SYCE1: variants seen among roughly 807,000 people sequenced by gnomAD.
The protein encoded by SYCE1 is cancer/testis antigen 76.
SYCE1 carries 37 observed loss-of-function variants against 55.1 expected under a neutral mutation model. That is an observed-to-expected ratio of 0.67 (90% CI 0.52 to 0.88). The LOEUF (loss-of-function observed/expected upper bound fraction) is 0.88. Ranked by LOEUF, SYCE1 falls within the 40% of genes least tolerant of loss-of-function variation. SYCE1 has a pLI of 0.00. For missense variants in SYCE1, 399 were observed against 416.4 expected (o/e 0.96, Z 0.36); for synonymous variants, 163 against 159.4 (o/e 1.02, Z -0.17).
intron 11 of SYCE1, 33 bp from the exon 12 acceptor site, chr10:133,555,471 G>A (rs757551417): frequency 1.9e-6 from 3 of 1,613,220 alleles, no homozygotes; most frequent in Non-Finnish European, 2.5e-6. Context: ...GGGGAAGGAA[G>A]AGGAGGAAAG....
At chr10:133,558,800 G>T in intron 4 of SYCE1, 77 bp downstream of exon 4, 1 of 1,444,376 alleles carries the variant, frequency 6.9e-7, no homozygotes, top group Non-Finnish European at 9.6e-7. Flanking sequence ...TGGCAAGGAT[G>T]CTGATTATCT....
chr10:133,555,345 G>C lies in SYCE1; in HGVS notation c.918+6C>G. 6.2e-7 allele frequency: 1 copy of C among 1,613,840 alleles called. No homozygotes were observed. The highest frequency in any genetic ancestry group is 8.5e-7 in the Non-Finnish European group (1 of 1,179,880). On this transcript the variant is annotated splice_donor_region_variant and intron_variant, in intron 12 of 12. Transcript: ENST00000343131. Reference sequence around the variant, plus strand: ...CTGTTCCCTGACGCCCACTTCTGGGGCTTACCACATCTCCTGGGCCAGCCT... The same window carrying C: ...CTGTTCCCTGACGCCCACTTCTGGGCCTTACCACATCTCCTGGGCCAGCCT...
chr10:133,566,119 A>G (rs993076060), upstream of SYCE1, among the ~76,000 whole-genome samples: 13 of 152,188 alleles, frequency 8.5e-5, no homozygotes, highest in Non-Finnish European at 1.6e-4. Flanking sequence ...GAGGCCGGCC[A>G]CAAGCCCACG....
At position 133,555,676 on chromosome 10, in the gene SYCE1, C is replaced by T. The variant is rs1851653506; in HGVS notation, c.751G>A (p.Glu251Lys). ...QLFQEEHRKA[E>K]ELLAAAAQRH... Reference sequence around the variant, plus strand: ...TGGGCAGCAGCTGCTAGGAGCTCCTCAGCCTTCCTGTGCTCTTCCTGAAAC... The same window carrying T: ...TGGGCAGCAGCTGCTAGGAGCTCCTTAGCCTTCCTGTGCTCTTCCTGAAAC... Residue 251 changes from glutamate to lysine, a missense_variant, in exon 11 of 13, where the codon GAG (glutamate) becomes AAG (lysine). Glu to Lys is a moderately conservative substitution (Grantham distance 56, BLOSUM62 1). Transcript: ENST00000343131. The T allele has an allele frequency of 4.4e-6, 7 of 1,604,840 alleles. No individual in the cohort carries two copies. The highest frequency in any genetic ancestry group is 5.9e-6 in the Non-Finnish European group (7 of 1,179,964).
chr10:133,557,811 C>T (rs545375668), intron 6 of SYCE1, 53 bp downstream of exon 6: 4 of 1,595,020 alleles, frequency 2.5e-6, no homozygotes, highest in Non-Finnish European at 3.4e-6. Flanking sequence ...CCTCTTTCTG[C>T]TCTACCAGAA....
chr10:133,556,530 C>T (rs1231850799), intron 8 of SYCE1: 5 of 593,452 alleles, frequency 8.4e-6, no homozygotes, highest in Middle Eastern at 4.4e-4. Flanking sequence ...GACACATCCA[C>T]GGACAGTGAT....
At chr10:133,557,227 C>A in intron 6 of SYCE1, 71 bp from the exon 7 acceptor site, 1 of 1,316,618 alleles carries the variant, frequency 7.6e-7, no homozygotes. Context: ...GGGGCTTCTG[C>A]CTCCCTCTAT....
intron 2 of SYCE1, chr10:133,559,621 A>G (rs1851774476): frequency 2.1e-6 from 1 of 485,912 alleles, no homozygotes; most frequent in African/African-American, 1.9e-5. Context: ...AGGAGTGGGA[A>G]GTGCTCCTGA....
At chr10:133,555,478 A>C (rs1164563491) in intron 11 of SYCE1, 40 bp from the exon 12 acceptor site, 1 of 1,613,020 alleles carries the variant, frequency 6.2e-7, no homozygotes, top group Admixed American at 1.7e-5. Flanking sequence ...GAAGAGGAGG[A>C]AAGGGTGGAG....
intron 8 of SYCE1, chr10:133,556,535 A>G (rs1851687771): frequency 1.7e-6 from 1 of 597,572 alleles, no homozygotes; most frequent in Non-Finnish European, 3.0e-6. Flanking sequence ...ATCCACGGAC[A>G]GTGATGGAAG....
At chr10:133,557,623 A>C in intron 6 of SYCE1, 1 of 584,934 alleles carries the variant, frequency 1.7e-6, no homozygotes, top group East Asian at 2.9e-5. Flanking sequence ...AAAGGCAAAA[A>C]ATAAAAACCA....
chr10:133,554,081 G>A, downstream of SYCE1: 1 of 436,570 alleles, frequency 2.3e-6, no homozygotes, highest in East Asian at 3.4e-5. Flanking sequence ...TTAAAATGTG[G>A]TGTCTTCATT....
chr10:133,556,480 G>T, intron 8 of SYCE1: 1 of 547,538 alleles, frequency 1.8e-6, no homozygotes. Flanking sequence ...AACACGGGCT[G>T]CTTATCCTCG....
intron 8 of SYCE1, chr10:133,556,315 A>G: frequency 1.8e-6 from 1 of 569,518 alleles, no homozygotes; most frequent in Non-Finnish European, 3.1e-6. Context: ...AAGCACTGTG[A>G]GTCTTGGCTG....
chr10:133,561,857 A>G (rs1349644521), intron 1 of SYCE1, among the ~76,000 whole-genome samples: 1 of 152,290 alleles, frequency 6.6e-6, no homozygotes, highest in Admixed American at 6.5e-5. Context: ...GGAAAGTTCC[A>G]AATTATGTGG....
chr10:133,557,495 C>T (rs1166831583), intron 6 of SYCE1: 9 of 479,126 alleles, frequency 1.9e-5, no homozygotes, highest in East Asian at 3.8e-5. Context: ...ATGGACAAAT[C>T]GATGGGTGGA....
intron 1 of SYCE1, chr10:133,560,797 CAA>C (rs1179846180): frequency 6.6e-6 from 1 of 152,092 alleles, no homozygotes; most frequent in African/African-American, 2.4e-5. Context: ...TAAATCAATT[CAA>C]AGTCATCCCT....
upstream of SYCE1, chr10:133,567,874 G>C (rs1564861532): frequency 4.2e-6 from 2 of 477,470 alleles, no homozygotes; most frequent in Non-Finnish European, 8.2e-6. Flanking sequence ...GTCTCCTCTA[G>C]GTGGGAGGTG....
At chr10:133,566,352 G>C (rs190469307), upstream of SYCE1, among the ~76,000 whole-genome samples, 65 of 152,306 alleles carry the variant, frequency 4.3e-4, no homozygotes, top group Middle Eastern at 3.4e-3. Context: ...ACGAAGCCTC[G>C]AATCCTAACC....
Sources: allele counts gnomAD v4.1 joint callset (sites outside exome capture counted in the v4.1 genomes callset), GRCh38; gene constraint gnomAD v4.1.1; transcripts MANE v1.5; gene names NCBI Gene and HGNC (gene_info 2026-07-23, HGNC 2026-07-21).